Variants in NBAS observed in about 807,000 individuals in gnomAD.
NBAS encodes the protein NAG/BC035112 fusion.
In NBAS, 219 loss-of-function variants were observed where a neutral mutation model predicts 302.5. That is an observed-to-expected ratio of 0.72 (90% confidence interval 0.65 to 0.81). The LOEUF is 0.81. Ranked by LOEUF, NBAS falls within the 30% of genes least tolerant of loss-of-function variation. The pLI, the probability that NBAS is intolerant of heterozygous loss-of-function variation, is 0.00. For missense variants in NBAS, 2,932 were observed against 2,841.6 expected, an observed-to-expected ratio of 1.03 and a Z score of -0.72; for synonymous variants, 1,118 against 1,021.6, an observed-to-expected ratio of 1.09 and a Z score of -1.80.
At chr2:15,237,232 A>G (rs1386393495) in intron 45 of NBAS, among the ~76,000 whole-genome samples, 4 of 152,124 alleles carry the variant, frequency 2.6e-5, no homozygotes, top group Non-Finnish European at 5.9e-5. Context: ...AACTCCCACA[A>G]TTGTTAAAAT....
the NBAS span, among the ~76,000 whole-genome samples, chr2:14,968,686 T>C: frequency 2.6e-5 from 4 of 152,198 alleles, no homozygotes; most frequent in African/African-American, 4.8e-5. Context: ...TATAATCAAA[T>C]AGACAAACAA....
the NBAS span, among the ~76,000 whole-genome samples, chr2:14,828,861 T>C: frequency 1.3e-5 from 2 of 152,192 alleles, no homozygotes; most frequent in African/African-American, 4.8e-5. Flanking sequence ...GTTGAAATTA[T>C]TATTTAAACA....
chr2:14,979,717 T>C, the NBAS span, among the ~76,000 whole-genome samples: 2 of 152,248 alleles, frequency 1.3e-5, no homozygotes, highest in South Asian at 2.1e-4. Context: ...TGGAAACATC[T>C]GGCAACTCCT....
At chr2:14,849,008 A>C in the NBAS span, among the ~76,000 whole-genome samples, 14 of 151,120 alleles carry the variant, frequency 9.3e-5, 1 homozygote, top group South Asian at 2.5e-3. Flanking sequence ...AAACTCTAAA[A>C]CGCAGAGCGC....
At chr2:15,102,878 A>C in the NBAS span, among the ~76,000 whole-genome samples, 1 of 152,096 alleles carries the variant, frequency 6.6e-6, no homozygotes, top group African/African-American at 2.4e-5. Context: ...CAGTCCTTTT[A>C]TCTACCTTGG....
At chr2:14,804,032 AATAT>A in the NBAS span, among the ~76,000 whole-genome samples, 1 of 152,186 alleles carries the variant, frequency 6.6e-6, no homozygotes, top group Admixed American at 6.5e-5. Context: ...ACAAATTTTA[AATAT>A]ATATAAAGTT....
the NBAS span, among the ~76,000 whole-genome samples, chr2:15,127,550 A>C: frequency 1.3e-5 from 2 of 152,182 alleles, no homozygotes; most frequent in African/African-American, 4.8e-5. Flanking sequence ...TTTCATTGAG[A>C]GGTGGTATCT....
chr2:15,270,037 C>A (rs1206051060), intron 44 of NBAS, among the ~76,000 whole-genome samples: 2 of 152,142 alleles, frequency 1.3e-5, no homozygotes, highest in African/African-American at 4.8e-5. Context: ...TCTATTAAGC[C>A]GGACATGAAA....
At chr2:15,426,631 G>C (rs930752225) in intron 22 of NBAS, among the ~76,000 whole-genome samples, 1 of 152,170 alleles carries the variant, frequency 6.6e-6, no homozygotes, top group Admixed American at 6.5e-5. Flanking sequence ...TTTATACAAT[G>C]CTATTGATAT....
intron 41 of NBAS, among the ~76,000 whole-genome samples, chr2:15,288,898 C>A (rs1670178842): frequency 6.6e-6 from 1 of 152,166 alleles, no homozygotes; most frequent in Non-Finnish European, 1.5e-5. Flanking sequence ...GGCTTTACTG[C>A]CAGTCTCTCT....
chr2:15,048,264 T>A, the NBAS span, among the ~76,000 whole-genome samples: 1 of 152,222 alleles, frequency 6.6e-6, no homozygotes, highest in Non-Finnish European at 1.5e-5. Context: ...TGCGTGCAGT[T>A]CCACTTCCAG....
At chr2:14,958,993 C>G in the NBAS span, among the ~76,000 whole-genome samples, 1 of 152,068 alleles carries the variant, frequency 6.6e-6, no homozygotes, top group Non-Finnish European at 1.5e-5. Context: ...GCTTGGGTGA[C>G]CCACATTTAG....
Position 15,352,002 on chromosome 2 carries a change from G to T in NBAS, c.4169C>A (p.Ala1390Glu). ...CTCATTTTAACTTACCTCTTGTACTGCTTTACTAGTTAATGGTGAAGCACT... is the reference window on the plus strand; with the variant it reads ...CTCATTTTAACTTACCTCTTGTACTTCTTTACTAGTTAATGGTGAAGCACT... Reference protein sequence around the residue: ...NISASPLTSKAVQEDEVGVPG... With the variant: ...NISASPLTSKEVQEDEVGVPG... Residue 1390 changes from alanine to glutamate, a missense_variant, in exon 35 of 52, where the codon GCA becomes GAA. Ala to Glu is a moderately radical substitution (Grantham distance 107). Coordinates refer to ENST00000281513, the MANE Select transcript of NBAS (RefSeq NM_015909.4). 1 of 1,608,642 alleles carries T rather than the reference G, an allele frequency of 6.2e-7. No individual in the cohort carries two copies. The highest frequency in any genetic ancestry group is 8.5e-7 in the Non-Finnish European group (1 of 1,175,414).
chr2:15,404,500 C>CT lies in NBAS; in HGVS notation c.2938-2200dup, dbSNP rs546532032. ...CCCTCTGTGAGACATTAAATAATCA[C>CT]TTTTTTTTTTAATTTTTTTTTTTTT... is the stretch of plus-strand genomic sequence containing the variant. On this transcript the variant is annotated intron_variant, in intron 25 of 51. Transcript: ENST00000281513. Among the ~76,000 whole-genome samples the CT allele has an allele frequency of 6.8e-3, 1,006 of 148,880 alleles. 12 individuals carry two copies. The highest frequency in any genetic ancestry group is 0.022 in the African/African-American group (907 of 40,548).
chr2:15,404,998 T>C (rs748813628), intron 25 of NBAS, among the ~76,000 whole-genome samples: 55 of 152,184 alleles, frequency 3.6e-4, no homozygotes, highest in Non-Finnish European at 7.5e-4. Flanking sequence ...TAAAGTTTTA[T>C]TTCACTCAAA....
chr2:14,968,509 T>C, the NBAS span, among the ~76,000 whole-genome samples: 3 of 152,172 alleles, frequency 2.0e-5, no homozygotes, highest in Admixed American at 1.3e-4. Context: ...GTGACCACCA[T>C]GTGCTGTAAC....
the NBAS span, among the ~76,000 whole-genome samples, chr2:15,057,163 C>T: frequency 2.0e-5 from 3 of 152,144 alleles, no homozygotes; most frequent in Admixed American, 2.0e-4. Flanking sequence ...TTTGCAAAGC[C>T]AGCCTAGACC....
the NBAS span, among the ~76,000 whole-genome samples, chr2:14,916,220 A>G: frequency 1.3e-5 from 2 of 152,312 alleles, no homozygotes; most frequent in South Asian, 4.1e-4. Flanking sequence ...TTATAATACA[A>G]AGCAAATCCA....
the NBAS span, among the ~76,000 whole-genome samples, chr2:14,859,668 A>G: frequency 2.0e-5 from 3 of 152,106 alleles, no homozygotes; most frequent in Non-Finnish European, 4.4e-5. Context: ...GTCTCTCACA[A>G]TACACAAAAA....
Sources: allele counts gnomAD v4.1 joint callset (sites outside exome capture counted in the v4.1 genomes callset), GRCh38; gene constraint gnomAD v4.1.1; transcripts MANE v1.5; gene names NCBI Gene and HGNC (gene_info 2026-07-23, HGNC 2026-07-21).